The following GPHN variants were observed in gnomAD, a reference collection of about 807,000 sequenced individuals.
GPHN encodes the protein gephyrin.
In GPHN, 17 loss-of-function variants were observed where a neutral mutation model predicts 95.5. That is an observed-to-expected ratio of 0.18 (90% CI 0.12 to 0.27). The LOEUF is 0.27. Ranked by LOEUF, GPHN falls within the 10% of genes least tolerant of loss-of-function variation. The probability of loss-of-function intolerance (pLI) is 1.00; values close to 1 mark genes in which losing one functional copy is unlikely to be tolerated. For synonymous variants in GPHN, 320 were observed against 322.5 expected, an observed-to-expected ratio of 0.99 and a Z score of 0.08; for missense variants, 660 against 978.1, an observed-to-expected ratio of 0.67 and a Z score of 4.34.
At chr14:67,458,321 C>G in the GPHN span, among the ~76,000 whole-genome samples, 2 of 152,100 alleles carry the variant, frequency 1.3e-5, no homozygotes, top group Non-Finnish European at 2.9e-5. Context: ...GTACAGTGTC[C>G]TTTATGGACT....
intron 11 of GPHN, among the ~76,000 whole-genome samples, chr14:67,065,212 G>A (rs2075995057): frequency 6.6e-6 from 1 of 152,182 alleles, no homozygotes; most frequent in Non-Finnish European, 1.5e-5. Context: ...TTCAGGAGCA[G>A]GTTGTTCAGT....
the GPHN span, among the ~76,000 whole-genome samples, chr14:67,439,345 A>C: frequency 2.6e-5 from 4 of 152,136 alleles, no homozygotes; most frequent in African/African-American, 9.7e-5. Flanking sequence ...TGTCCTCTAG[A>C]AGGAAGATTT....
At chr14:67,696,332 G>A in the GPHN span, among the ~76,000 whole-genome samples, 4 of 152,160 alleles carry the variant, frequency 2.6e-5, no homozygotes, top group African/African-American at 9.7e-5. Context: ...AGATGTTGGC[G>A]TCTGGGAAAT....
intron 18 of GPHN, among the ~76,000 whole-genome samples, chr14:67,150,453 C>CAAAAAAAAAAAAAAAAAAAAAA (rs1164806975): frequency 4.1e-5 from 4 of 98,050 alleles, no homozygotes; most frequent in East Asian, 3.4e-4. Flanking sequence ...AAAAAAAAAA[C>CAAAAAAAAAAAAAAAAAAAAAA]AAAAAAAAAA....
chr14:66,948,804 G>T (rs746980720), intron 8 of GPHN, among the ~76,000 whole-genome samples: 1 of 152,126 alleles, frequency 6.6e-6, no homozygotes, highest in Non-Finnish European at 1.5e-5. Flanking sequence ...GACAAGTTTT[G>T]GGAGGTTGTT....
chr14:66,839,533 A>G (rs2061991627), intron 4 of GPHN, among the ~76,000 whole-genome samples: 1 of 152,186 alleles, frequency 6.6e-6, no homozygotes, highest in Admixed American at 6.6e-5. Flanking sequence ...AAATTTTTTA[A>G]ATACTCTTTT....
At chr14:67,185,992 ACT>A (rs2083366383), downstream of GPHN, among the ~76,000 whole-genome samples, 3 of 152,102 alleles carry the variant, frequency 2.0e-5, no homozygotes, top group African/African-American at 7.2e-5. Context: ...ATTATGCTTG[ACT>A]CTCTGTGTTA....
chr14:67,571,675 C>T, the GPHN span: 8 of 1,481,298 alleles, frequency 5.4e-6, 1 homozygote, highest in South Asian at 5.7e-5. Context: ...GCACTTGGAC[C>T]AGGAGTGCAA....
intron 17 of GPHN, among the ~76,000 whole-genome samples, chr14:67,132,585 G>T (rs892602490): frequency 6.6e-6 from 1 of 151,798 alleles, no homozygotes; most frequent in Non-Finnish European, 1.5e-5. Flanking sequence ...CTTAACAAAC[G>T]TGTTTAATGA....
At chr14:67,005,680 T>C (rs2072556525) in intron 9 of GPHN, among the ~76,000 whole-genome samples, 1 of 151,998 alleles carries the variant, frequency 6.6e-6, no homozygotes, top group Admixed American at 6.6e-5. Context: ...CGTCAATGCA[T>C]TGGTTGATAA....
In GPHN at chr14:67,169,073, C is replaced by T. The variant is rs200658858; in HGVS notation, c.2079+37C>T. On this transcript the variant is annotated intron_variant, in intron 21 of 22. Coordinates refer to ENST00000478722, the MANE Select transcript of GPHN (RefSeq NM_020806.5). ...TAATGACCAGAAACCAAAATGGAAG[C>T]CTGGTAACAGTTAGGGATATGATTT... 1.2e-3 allele frequency: 1,403 copies of T among 1,205,356 alleles called. 5 individuals are homozygous for T. Among genetic ancestry groups the T allele is most frequent in the Non-Finnish European group, 1.5e-3 (1,212 of 808,680 alleles). 74.7% of individuals were successfully genotyped at this position (1,205,356 alleles called of 1,614,324 possible).
At chr14:67,440,763 G>A in the GPHN span, among the ~76,000 whole-genome samples, 20 of 135,982 alleles carry the variant, frequency 1.5e-4, no homozygotes, top group African/African-American at 5.3e-4. Flanking sequence ...AAAAAAAAAA[G>A]AGACACTCCC....
the GPHN span, among the ~76,000 whole-genome samples, chr14:67,404,771 A>G: frequency 2.0e-5 from 3 of 151,836 alleles, no homozygotes; most frequent in African/African-American, 7.2e-5. Context: ...GATCACACCA[A>G]TGAACTCCAT....
Position 66,508,643 on chromosome 14 carries a change from C to T in GPHN, c.64+52C>T, listed in dbSNP as rs765656522. On this transcript the variant is annotated intron_variant, in intron 1 of 22. Coordinates refer to ENST00000478722, the MANE Select transcript of GPHN (RefSeq NM_020806.5). ...TATGAGGCTGCTGTCCCTGCATTGC[C>T]TTAGGCTTTTCGCCTGTGGTGGCCC... The T allele has an allele frequency of 4.7e-6, 7 of 1,484,066 alleles. No individual in the cohort carries two copies. The African/African-American group carries it at 5.5e-5, about 12-fold the overall frequency. 91.9% of individuals were successfully genotyped at this position (1,484,066 alleles called of 1,614,324 possible).
chr14:66,579,965 G>C (rs1052659374), intron 1 of GPHN, among the ~76,000 whole-genome samples: 1 of 150,708 alleles, frequency 6.6e-6, no homozygotes, highest in Non-Finnish European at 1.5e-5. Flanking sequence ...GGTATACCAC[G>C]TTAGTCTAGA....
intron 17 of GPHN, among the ~76,000 whole-genome samples, chr14:67,123,366 G>A (rs928051890): frequency 3.9e-5 from 6 of 152,184 alleles, no homozygotes; most frequent in African/African-American, 1.4e-4. Context: ...GGCTCACACT[G>A]GACATAGTCT....
chr14:67,273,991 T>C, the GPHN span, among the ~76,000 whole-genome samples: 2 of 152,236 alleles, frequency 1.3e-5, no homozygotes, highest in Admixed American at 6.5e-5. Context: ...CTTGGAAATT[T>C]GTTTAAGTTC....
chr14:66,681,139 G>C lies in GPHN; in HGVS notation c.97G>C (p.Asp33His). 6.2e-7 allele frequency: 1 copy of C among 1,600,160 alleles called. No individual in the cohort carries two copies. Among genetic ancestry groups the C allele is most frequent in the Non-Finnish European group, 8.6e-7 (1 of 1,168,578 alleles). ...TAGTTGCTTCAGGAATCTTGCAGAA[G>C]ACCGCAGTGGGATAAATCTCAAAGA... Reference protein sequence around the residue: ...SDSCFRNLAEDRSGINLKDLV... With the variant: ...SDSCFRNLAEHRSGINLKDLV... The change falls in exon 2 of 23, where the codon GAC becomes CAC. Residue 33 changes from aspartate to histidine, a missense_variant. Coordinates refer to ENST00000478722, the MANE Select transcript of GPHN (RefSeq NM_020806.5).
intron 2 of GPHN, among the ~76,000 whole-genome samples, chr14:66,711,751 C>A (rs1029561253): frequency 6.6e-6 from 1 of 151,710 alleles, no homozygotes; most frequent in South Asian, 2.1e-4. Flanking sequence ...GCCCCCTACC[C>A]CCCCACAGGC....
Sources: gnomAD v4.1 joint callset for allele counts (sites outside exome capture counted in the v4.1 genomes callset) on GRCh38, gnomAD v4.1.1 for gene constraint, MANE v1.5 for transcripts, NCBI Gene and HGNC (gene_info 2026-07-23, HGNC 2026-07-21) for gene names.